The following RERE variants were observed in gnomAD, a reference collection of about 807,000 sequenced individuals.
The protein encoded by RERE is arginine-glutamic acid dipeptide repeats protein.
A neutral mutation model predicts 146.1 loss-of-function variants in RERE; 40 were observed. The observed-to-expected ratio is 0.27, with a 90% CI of 0.21 to 0.36. The LOEUF is 0.36. Among genes scored for constraint, RERE ranks in the 10% least tolerant of loss-of-function variants. The pLI is 1.00. For missense variants in RERE, 1,933 were observed against 2,138.7 expected (o/e 0.90, Z 1.90); for synonymous variants, 1,003 against 866.0 (o/e 1.16, Z -2.78).
intron 1 of RERE, among the ~76,000 whole-genome samples, chr1:8,674,464 A>G (rs916620163): frequency 8.5e-5 from 13 of 152,236 alleles, no homozygotes; most frequent in Non-Finnish European, 1.5e-4. Context: ...GATAACACCA[A>G]GCAGGACTGA....
chr1:8,504,669 T>C (rs111609693), intron 8 of RERE, among the ~76,000 whole-genome samples: 1 of 151,966 alleles, frequency 6.6e-6, no homozygotes, highest in South Asian at 2.1e-4. Context: ...CTGGCCAACA[T>C]AGTGAAACCC....
rs538798212 is a variant in RERE, at chr1:8,699,943, A to G, written c.-144-43502T>C. ...CCTCTGACACAAAGGTACCACATTT[A>G]TAATATCAGCTTTAGTCATAAACAG... On this transcript the variant is annotated intron_variant, in intron 1 of 22. Coordinates refer to ENST00000400908, the MANE Select transcript of RERE (RefSeq NM_001042681.2). Among the ~76,000 whole-genome samples the G allele has an allele frequency of 5.3e-5, 8 of 152,310 alleles. No individual in the cohort carries two copies. In the South Asian group the frequency reaches 1.7e-3, roughly 32 times the overall value.
chr1:8,362,661 T>C, intron 16 of RERE, 22 bp downstream of exon 16: 2 of 1,614,028 alleles, frequency 1.2e-6, no homozygotes. Context: ...GAGTAGGCCC[T>C]ACTATCCCCC....
At chr1:8,576,836 T>C (rs1465199317) in intron 4 of RERE, among the ~76,000 whole-genome samples, 1 of 152,160 alleles carries the variant, frequency 6.6e-6, no homozygotes, top group African/African-American at 2.4e-5. Context: ...ATTACAAACA[T>C]ATTCATCTGT....
At chr1:8,633,434 C>G (rs575833624) in intron 2 of RERE, among the ~76,000 whole-genome samples, 1 of 151,786 alleles carries the variant, frequency 6.6e-6, no homozygotes, top group Non-Finnish European at 1.5e-5. Flanking sequence ...TAAACACGCA[C>G]GTGCGCACGC....
chr1:8,604,622 G>GAGGGAGGGAGGAAGGAAGGAAGGA (rs1646677794), intron 4 of RERE, among the ~76,000 whole-genome samples: 1 of 46,466 alleles, frequency 2.2e-5, no homozygotes, highest in Non-Finnish European at 4.2e-5. Context: ...GGGAGGGAGG[G>GAGGGAGGGAGGAAGGAAGGAAGGA]AGGAAGGAAG....
intron 10 of RERE, among the ~76,000 whole-genome samples, chr1:8,494,637 G>A (rs968101229): frequency 2.6e-5 from 4 of 152,258 alleles, no homozygotes; most frequent in East Asian, 1.9e-4. Flanking sequence ...GTAGGAGAAC[G>A]GTGTGAAGCC....
chr1:8,381,143 G>C, intron 12 of RERE: 1 of 379,358 alleles, frequency 2.6e-6, no homozygotes, highest in South Asian at 1.9e-5. Flanking sequence ...CGATGCGCCT[G>C]TTTCCATGAT....
chr1:8,372,564 G>C (rs191836465), intron 12 of RERE, among the ~76,000 whole-genome samples: 1 of 133,556 alleles, frequency 7.5e-6, no homozygotes, highest in African/African-American at 2.7e-5. Flanking sequence ...GCCAAAGAAG[G>C]ACTCAGTCCT....
chr1:8,713,753 A>G (rs561546935), intron 1 of RERE, among the ~76,000 whole-genome samples: 7 of 152,074 alleles, frequency 4.6e-5, no homozygotes, highest in East Asian at 3.9e-4. Flanking sequence ...TGATGATGAT[A>G]ATAATAATAA....
chr1:8,498,732 T>TACATATACACACACAC (rs1645084103), intron 8 of RERE, among the ~76,000 whole-genome samples: 2 of 107,836 alleles, frequency 1.9e-5, no homozygotes, highest in African/African-American at 3.8e-5. Flanking sequence ...AATAAATATA[T>TACATATACACACACAC]ACACACACAC....
chr1:8,575,028 A>G (rs1646273405), intron 4 of RERE, among the ~76,000 whole-genome samples: 1 of 152,268 alleles, frequency 6.6e-6, no homozygotes, highest in Non-Finnish European at 1.5e-5. Context: ...ACACGTATGC[A>G]CATGAAGTAT....
intron 1 of RERE, among the ~76,000 whole-genome samples, chr1:8,720,561 AAG>A (rs1639844643): frequency 6.6e-6 from 1 of 152,148 alleles, no homozygotes; most frequent in South Asian, 2.1e-4. Flanking sequence ...AAGAACGAGC[AAG>A]AGAGAGCAAG....
chr1:8,589,330 C>A (rs1646464754), intron 4 of RERE, among the ~76,000 whole-genome samples: 1 of 152,110 alleles, frequency 6.6e-6, no homozygotes, highest in African/African-American at 2.4e-5. Flanking sequence ...ATCCCAGCTA[C>A]TTGGGAGGCT....
chr1:8,373,545 G>A lies in RERE; in HGVS notation c.1285-7571C>T, dbSNP rs564877366. Among the ~76,000 whole-genome samples the A allele has an allele frequency of 2.0e-4, 30 of 152,262 alleles. No homozygotes were observed. In the South Asian group the frequency reaches 5.6e-3, roughly 28 times the overall value. ...GCAGAGAGGGAGAAAGAAGCATGGTGTAGAGCTGCTTCCTAAACCCGGGCC... is the reference window on the plus strand; with the variant it reads ...GCAGAGAGGGAGAAAGAAGCATGGTATAGAGCTGCTTCCTAAACCCGGGCC... On this transcript the variant is annotated intron_variant, in intron 12 of 22. Transcript: ENST00000400908.
intron 1 of RERE, among the ~76,000 whole-genome samples, chr1:8,680,927 A>G (rs1034218717): frequency 1.3e-5 from 2 of 152,228 alleles, no homozygotes; most frequent in African/African-American, 4.8e-5. Context: ...TCAATCTCGC[A>G]GGAATACTTG....
intron 4 of RERE, among the ~76,000 whole-genome samples, chr1:8,592,853 C>T (rs11811207): frequency 0.026 from 3,927 of 152,228 alleles, 153 homozygotes; most frequent in African/African-American, 0.089. Context: ...AAATTTAGTT[C>T]TAAATCATTA....
At chr1:8,637,577 C>T (rs948976797) in intron 2 of RERE, among the ~76,000 whole-genome samples, 6 of 152,148 alleles carry the variant, frequency 3.9e-5, no homozygotes, top group Admixed American at 1.3e-4. Flanking sequence ...ATTAGAAGGA[C>T]GATATCCTCT....
chr1:8,470,584 A>C (rs1282826657), intron 10 of RERE, among the ~76,000 whole-genome samples: 1 of 151,976 alleles, frequency 6.6e-6, no homozygotes, highest in Admixed American at 6.6e-5. Context: ...GGATGAAGGA[A>C]GAATATTATT....
Sources: allele counts gnomAD v4.1 joint callset (sites outside exome capture counted in the v4.1 genomes callset), GRCh38; gene constraint gnomAD v4.1.1; transcripts MANE v1.5; gene names NCBI Gene and HGNC (gene_info 2026-07-23, HGNC 2026-07-21).